PAN3: variants seen among roughly 807,000 people sequenced by gnomAD.
The protein encoded by PAN3 is poly(A) specific ribonuclease subunit PAN3, also known as PAN2-PAN3 deadenylation complex subunit PAN3.
Under a neutral mutation model 96.2 loss-of-function variants are expected in PAN3, and 19 were observed. That is an observed-to-expected ratio of 0.20 (90% CI 0.14 to 0.29). The LOEUF is 0.29. Ranked by LOEUF, PAN3 falls within the 10% of genes least tolerant of loss-of-function variation. The pLI, the probability that PAN3 is intolerant of heterozygous loss-of-function variation, is 1.00. For missense variants in PAN3, 882 were observed against 1,108.1 expected, an observed-to-expected ratio of 0.80 and a Z score of 2.90; for synonymous variants, 433 against 406.6, an observed-to-expected ratio of 1.06 and a Z score of -0.78.
Position 28,220,692 on chromosome 13 carries a change from C to T in PAN3, c.1000+314C>T, listed in dbSNP as rs1020836509. 2.6e-5 allele frequency among the ~76,000 whole-genome samples: 4 copies of T among 152,200 alleles called. No individual in the cohort carries two copies. The East Asian group carries it at 7.7e-4, about 29-fold the overall frequency. The stretch of plus-strand genomic sequence containing the variant: ...ATTTTTAAAACTTTGTGCTGTTTCA[C>T]TCAAACTTACAAAGGCATCAGAAAG... On this transcript the variant is annotated intron_variant, in intron 6 of 18. Coordinates refer to ENST00000380958, the MANE Select transcript of PAN3 (RefSeq NM_175854.8).
chr13:28,201,668 G>A (rs898084850), intron 5 of PAN3, among the ~76,000 whole-genome samples: 4 of 152,080 alleles, frequency 2.6e-5, no homozygotes, highest in African/African-American at 9.7e-5. Context: ...CCAAAATACT[G>A]GGATTATAGG....
At chr13:28,277,400 T>C in intron 15 of PAN3, 24 bp downstream of exon 15, 1 of 1,590,700 alleles carries the variant, frequency 6.3e-7, no homozygotes, top group Non-Finnish European at 8.6e-7. Context: ...TATGATAAAT[T>C]GTACAGAATG....
intron 6 of PAN3, among the ~76,000 whole-genome samples, chr13:28,224,586 AG>A (rs201379320): frequency 2.6e-5 from 4 of 152,072 alleles, no homozygotes; most frequent in East Asian, 3.9e-4. Context: ...AAAATAGTGC[AG>A]TTTTTTTTTA....
chr13:28,165,626 T>A (rs1873443348), intron 1 of PAN3, among the ~76,000 whole-genome samples: 3 of 152,186 alleles, frequency 2.0e-5, no homozygotes, highest in Non-Finnish European at 2.9e-5. Flanking sequence ...TTGTTCAATT[T>A]CTTATTATTC....
chr13:28,279,287 C>G (rs567006803), intron 15 of PAN3, among the ~76,000 whole-genome samples: 3 of 152,242 alleles, frequency 2.0e-5, no homozygotes, highest in South Asian at 4.2e-4. Context: ...ATGAATATGT[C>G]ATGATACCTT....
At chr13:28,164,178 CTG>C (rs753921225) in intron 1 of PAN3, among the ~76,000 whole-genome samples, 2 of 152,116 alleles carry the variant, frequency 1.3e-5, no homozygotes, top group Non-Finnish European at 2.9e-5. Flanking sequence ...TTTTTAATAA[CTG>C]TATAGAGTTA....
At chr13:28,210,941 G>T (rs1187818944) in intron 5 of PAN3, among the ~76,000 whole-genome samples, 1 of 152,078 alleles carries the variant, frequency 6.6e-6, no homozygotes, top group African/African-American at 2.4e-5. Flanking sequence ...GTCTTGCTCT[G>T]TCATCCAGGC....
At chr13:28,273,646 A>G (rs1031876597) in intron 14 of PAN3, among the ~76,000 whole-genome samples, 6 of 152,178 alleles carry the variant, frequency 3.9e-5, no homozygotes, top group African/African-American at 9.6e-5. Flanking sequence ...TTACTCTGCA[A>G]GTAACAAAAC....
Position 28,220,390 on chromosome 13 carries a change from A to T in PAN3, c.1000+12A>T. The T allele has an allele frequency of 3.1e-6, 5 of 1,612,556 alleles. No homozygotes were observed. The highest frequency in any genetic ancestry group is 4.2e-6 in the Non-Finnish European group (5 of 1,179,110). ...TGGATTAGCGCCAGGTAAGTTGAGTAACTATTTCCAGTGAGTTCCAGATAC... is the reference window on the plus strand; with the variant it reads ...TGGATTAGCGCCAGGTAAGTTGAGTTACTATTTCCAGTGAGTTCCAGATAC... On this transcript the variant is annotated intron_variant, in intron 6 of 18. Coordinates refer to ENST00000380958, the MANE Select transcript of PAN3 (RefSeq NM_175854.8).
At chr13:28,168,959 A>C (rs1195068281) in intron 1 of PAN3, among the ~76,000 whole-genome samples, 2 of 151,376 alleles carry the variant, frequency 1.3e-5, no homozygotes, top group African/African-American at 4.9e-5. Flanking sequence ...TTGAACTTGC[A>C]GTGAGCCGAG....
chr13:28,260,339 A>G, intron 7 of PAN3, 108 bp from the exon 8 acceptor site: 1 of 753,134 alleles, frequency 1.3e-6, no homozygotes, highest in Non-Finnish European at 2.2e-6. Flanking sequence ...GCTTGTAGTG[A>G]GCCGAGATTG....
intron 1 of PAN3, among the ~76,000 whole-genome samples, chr13:28,163,815 A>G (rs1045694250): frequency 1.3e-5 from 2 of 152,214 alleles, no homozygotes; most frequent in Non-Finnish European, 1.5e-5. Flanking sequence ...ACTTTACGCC[A>G]TGATCTTTAA....
intron 1 of PAN3, among the ~76,000 whole-genome samples, chr13:28,165,321 A>G (rs1043605300): frequency 2.8e-5 from 3 of 108,976 alleles, no homozygotes; most frequent in African/African-American, 1.1e-4. Context: ...GGGTCTTGCT[A>G]TGTTGCTCAG....
intron 1 of PAN3, among the ~76,000 whole-genome samples, chr13:28,155,685 A>T (rs1338314166): frequency 2.6e-5 from 4 of 152,220 alleles, no homozygotes; most frequent in Admixed American, 1.3e-4. Flanking sequence ...ATTATAAATT[A>T]TGACATAGTA....
At chr13:28,190,967 T>C (rs1220718113) in intron 4 of PAN3, among the ~76,000 whole-genome samples, 1 of 152,226 alleles carries the variant, frequency 6.6e-6, no homozygotes, top group Non-Finnish European at 1.5e-5. Flanking sequence ...TCAAATGCTT[T>C]TATTTCATAA....
At chr13:28,275,673 A>C (rs1886998031) in intron 14 of PAN3, among the ~76,000 whole-genome samples, 1 of 152,188 alleles carries the variant, frequency 6.6e-6, no homozygotes, top group African/African-American at 2.4e-5. Flanking sequence ...ATTGAGAGGA[A>C]TTCTTTTTGG....
chr13:28,154,726 C>T (rs1871869014), intron 1 of PAN3, among the ~76,000 whole-genome samples: 1 of 151,762 alleles, frequency 6.6e-6, no homozygotes, highest in Non-Finnish European at 1.5e-5. Flanking sequence ...GAACTCCTGA[C>T]CTCAGGCAAT....
At chr13:28,265,482 G>A (rs149475916) in intron 9 of PAN3, among the ~76,000 whole-genome samples, 53 of 152,266 alleles carry the variant, frequency 3.5e-4, no homozygotes, top group African/African-American at 1.3e-3. Context: ...AAAAGTCCTG[G>A]GTTTGCATCC....
chr13:28,229,742 C>A (rs1436748502), intron 6 of PAN3, among the ~76,000 whole-genome samples: 2 of 151,992 alleles, frequency 1.3e-5, no homozygotes, highest in East Asian at 3.9e-4. Flanking sequence ...TTCTGTTGTG[C>A]TGTTTGTGAC....
Sources: gnomAD v4.1 joint callset for allele counts (sites outside exome capture counted in the v4.1 genomes callset) on GRCh38, gnomAD v4.1.1 for gene constraint, MANE v1.5 for transcripts, NCBI Gene and HGNC (gene_info 2026-07-23, HGNC 2026-07-21) for gene names.